Variants in HOOK3 observed in about 807,000 individuals in gnomAD.
HOOK3 encodes hook microtubule tethering protein 3.
Under a neutral mutation model 116.3 loss-of-function variants are expected in HOOK3, and 24 were observed. That is an observed-to-expected ratio of 0.21 (90% CI 0.15 to 0.29). HOOK3 has a LOEUF of 0.29. Ranked by LOEUF, HOOK3 falls within the 10% of genes least tolerant of loss-of-function variation. The pLI is 1.00. For missense variants in HOOK3, 632 were observed against 830.2 expected, an observed-to-expected ratio of 0.76 and a Z score of 2.93; for synonymous variants, 275 against 283.0, an observed-to-expected ratio of 0.97 and a Z score of 0.28.
intron 13 of HOOK3, 98 bp downstream of exon 13, chr8:42,974,292 T>G: frequency 1.2e-6 from 1 of 817,640 alleles, no homozygotes; most frequent in East Asian, 2.6e-5. Flanking sequence ...TGGCACTGTC[T>G]TGGCTCACTG....
At chr8:42,938,217 C>CTTTTT (rs145868661) in intron 4 of HOOK3, among the ~76,000 whole-genome samples, 26 of 132,294 alleles carry the variant, frequency 2.0e-4, no homozygotes, top group Non-Finnish European at 1.6e-5. Context: ...GCAACCCCTG[C>CTTTTT]TTTTTTTTTT....
At chr8:42,936,184 GTTAT>G (rs1366597584) in intron 4 of HOOK3, among the ~76,000 whole-genome samples, 3 of 151,874 alleles carry the variant, frequency 2.0e-5, no homozygotes, top group African/African-American at 7.3e-5. Flanking sequence ...TTATGATTTG[GTTAT>G]TTGTCTGTTA....
At chr8:42,952,041 C>T (rs1345524699) in intron 6 of HOOK3, among the ~76,000 whole-genome samples, 1 of 152,054 alleles carries the variant, frequency 6.6e-6, no homozygotes, top group African/African-American at 2.4e-5. Context: ...CTTCTGACAC[C>T]AACTACCCAA....
intron 21 of HOOK3, 124 bp downstream of exon 21, chr8:43,013,524 C>T (rs1809652713): frequency 1.4e-6 from 1 of 710,366 alleles, no homozygotes. Flanking sequence ...TCCTAACATA[C>T]ACTAACAGAA....
At chr8:42,911,671 C>T (rs1010476840) in intron 2 of HOOK3, among the ~76,000 whole-genome samples, 4 of 152,052 alleles carry the variant, frequency 2.6e-5, no homozygotes, top group South Asian at 2.1e-4. Context: ...AATATGAAGA[C>T]AAGTGGGTGG....
At position 42,930,016 on chromosome 8, in the gene HOOK3, C is replaced by T; in HGVS notation, c.217-106C>T. On this transcript the variant is annotated intron_variant, in intron 3 of 21. Coordinates refer to ENST00000307602, the MANE Select transcript of HOOK3 (RefSeq NM_032410.4). ...TTTGAATTTTATTTGTTAATATTTA[C>T]TTTATGATTAACTGCAGTGATTGGT... The T allele has an allele frequency of 7.5e-6, 7 of 938,462 alleles. No individual in the cohort carries two copies. In the East Asian group the frequency reaches 9.0e-5, roughly 12 times the overall value. The allele number at this position is 938,462 out of a possible 1,614,324, so 58.1% of individuals were successfully genotyped here. A position where few individuals can be genotyped will look rare whatever the true frequency, so the allele number is the denominator to read the frequency against.
chr8:42,966,452 T>C, intron 9 of HOOK3, 21 bp from the exon 10 acceptor site: 2 of 1,611,414 alleles, frequency 1.2e-6, no homozygotes. Flanking sequence ...GCTTTCTTGG[T>C]CTATTTTATA....
At chr8:42,980,321 TATC>T (rs1424725866) in intron 13 of HOOK3, among the ~76,000 whole-genome samples, 2 of 152,214 alleles carry the variant, frequency 1.3e-5, no homozygotes, top group African/African-American at 4.8e-5. Flanking sequence ...TCAGCTCTGA[TATC>T]ATCAAGAAAC....
At chr8:42,994,458 C>T (rs1363132782) in intron 15 of HOOK3, 2 of 413,664 alleles carry the variant, frequency 4.8e-6, no homozygotes, top group East Asian at 8.8e-5. Context: ...AAATTTCCCT[C>T]TTACTACGGC....
intron 3 of HOOK3, among the ~76,000 whole-genome samples, chr8:42,927,242 C>CTGGTTTTTTTT (rs1308859657): frequency 1.5e-5 from 2 of 137,840 alleles, no homozygotes; most frequent in African/African-American, 5.9e-5. Context: ...TTTAATGGCA[C>CTGGTTTTTTTT]TGGTTTTTTT....
rs1809890139 is a variant in HOOK3, at chr8:43,024,194, T to G, written c.*5696T>G. 4.9e-6 allele frequency: 1 copy of G among 202,996 alleles called. No homozygotes were observed. Among genetic ancestry groups the G allele is most frequent in the Non-Finnish European group, 1.0e-5 (1 of 98,984 alleles). 12.6% of individuals were successfully genotyped at this position (202,996 alleles called of 1,614,324 possible). On this transcript the variant is annotated 3_prime_UTR_variant, in exon 22 of 22. Transcript: ENST00000307602. The stretch of plus-strand genomic sequence containing the variant: ...GCAAAATAACAACATGAAGACAAAG[T>G]GCTTTTTGTTGTCTATTCATGAAAC...
intron 13 of HOOK3, among the ~76,000 whole-genome samples, chr8:42,980,923 T>C (rs1056121112): frequency 3.3e-5 from 5 of 152,046 alleles, no homozygotes; most frequent in Admixed American, 3.3e-4. Context: ...GTGAGCATGC[T>C]CAACCCCTTC....
At chr8:43,016,738 T>A (rs1238960186) in intron 21 of HOOK3, among the ~76,000 whole-genome samples, 1 of 152,252 alleles carries the variant, frequency 6.6e-6, no homozygotes, top group East Asian at 1.9e-4. Flanking sequence ...AAGTTAAAGA[T>A]TACCAATAAA....
intron 2 of HOOK3, among the ~76,000 whole-genome samples, chr8:42,907,920 C>G (rs1807345593): frequency 6.6e-6 from 1 of 150,440 alleles, no homozygotes; most frequent in Non-Finnish European, 1.5e-5. Flanking sequence ...TACAAAAAGC[C>G]ACAAAGACTC....
intron 1 of HOOK3, among the ~76,000 whole-genome samples, chr8:42,903,338 CTTTTTTTTTTTTTT>C (rs1164136399): frequency 1.1e-5 from 1 of 87,588 alleles, no homozygotes; most frequent in Admixed American, 1.5e-4. Flanking sequence ...TAATAGTTGT[CTTTTTTTTTTTTTT>C]TTTTTTTTTT....
At chr8:42,953,983 A>C (rs1808390130) in intron 6 of HOOK3, among the ~76,000 whole-genome samples, 1 of 152,190 alleles carries the variant, frequency 6.6e-6, no homozygotes, top group African/African-American at 2.4e-5. Flanking sequence ...ATTTCCTAGT[A>C]CTGAAGCATT....
In HOOK3 at chr8:42,910,356, C is replaced by T. The variant is rs566762531; in HGVS notation, c.143+4098C>T. Among the ~76,000 whole-genome samples, 15 of 151,114 alleles carry T rather than the reference C, an allele frequency of 9.9e-5. No homozygotes were observed. In the East Asian group the frequency reaches 1.2e-3, roughly 12 times the overall value. On this transcript the variant is annotated intron_variant, in intron 2 of 21. Coordinates refer to ENST00000307602, the MANE Select transcript of HOOK3 (RefSeq NM_032410.4). Reference sequence around the variant, plus strand: ...CTTTCTTTCTTCCTAGAATGCCTTCCTTTTTTTTTCCTTTTGTTGAGATAT... The same window carrying T: ...CTTTCTTTCTTCCTAGAATGCCTTCTTTTTTTTTTCCTTTTGTTGAGATAT...
At position 43,013,309 on chromosome 8, in the gene HOOK3, G is replaced by C. The variant is rs749841880; in HGVS notation, c.1945-20G>C. 2 of 1,315,836 alleles carry C rather than the reference G, an allele frequency of 1.5e-6. No individual in the cohort carries two copies. Among genetic ancestry groups the C allele is most frequent in the South Asian group, 1.4e-5 (1 of 72,084 alleles). 81.5% of individuals were successfully genotyped at this position (1,315,836 alleles called of 1,614,324 possible). ...ATTTTATATCTTTACATATTTACAT[G>C]TGCTTTTTTTTTTTTTTAGAAAGAA... On this transcript the variant is annotated intron_variant, in intron 20 of 21. Transcript: ENST00000307602.
At chr8:42,954,866 C>T (rs1808405644) in intron 6 of HOOK3, among the ~76,000 whole-genome samples, 1 of 152,148 alleles carries the variant, frequency 6.6e-6, no homozygotes, top group Non-Finnish European at 1.5e-5. Context: ...AAGGGGTGGG[C>T]ATGCCTGTCA....
Sources: allele counts gnomAD v4.1 joint callset (sites outside exome capture counted in the v4.1 genomes callset), GRCh38; gene constraint gnomAD v4.1.1; transcripts MANE v1.5; gene names NCBI Gene and HGNC (gene_info 2026-07-23, HGNC 2026-07-21).